The following BMP2K variants were observed in gnomAD, a reference collection of about 807,000 sequenced individuals.
The protein encoded by BMP2K is BMP2 inducible kinase.
BMP2K carries 74 observed loss-of-function variants against 116.0 expected under a neutral mutation model. That is an observed-to-expected ratio of 0.64 (90% CI 0.53 to 0.77). The LOEUF is 0.77. BMP2K is among the 30% of genes least tolerant of loss of function. The pLI is 0.00. For synonymous variants in BMP2K, 486 were observed against 502.5 expected (o/e 0.97, Z 0.44); for missense variants, 1,365 against 1,403.6 (o/e 0.97, Z 0.44).
intron 1 of BMP2K, among the ~76,000 whole-genome samples, chr4:78,789,967 C>A (rs1232926895): frequency 6.6e-6 from 1 of 152,176 alleles, no homozygotes; most frequent in African/African-American, 2.4e-5. Context: ...TCCCTATTTG[C>A]ATTTTACCTG....
rs1366709901 is a variant in BMP2K at position 78,911,641 on chromosome 4, A to G, written c.3094A>G (p.Ser1032Gly). ...AGTGGGCCGCCGAGACTCTCAAAGT[A>G]GCAATGAATTTTTAACCATCTCAGA... Reference protein sequence around the residue: ...KKVGRRDSQSSNEFLTISDSK... With the variant: ...KKVGRRDSQSGNEFLTISDSK... The change falls in exon 16 of 16, where the codon AGC becomes GGC. Residue 1032 changes from serine (S) to glycine (G), a missense_variant. Physicochemically the swap from Ser to Gly is moderately conservative, Grantham distance 56 (BLOSUM62 0). Coordinates refer to ENST00000502613, the MANE Select transcript of BMP2K (RefSeq NM_198892.2). 1.2e-6 allele frequency: 2 copies of G among 1,614,002 alleles called. No homozygotes were observed. Among genetic ancestry groups the G allele is most frequent in the Admixed American group, 1.7e-5 (1 of 60,024 alleles).
At chr4:78,882,838 G>T (rs1161981360) in intron 14 of BMP2K, among the ~76,000 whole-genome samples, 1 of 151,910 alleles carries the variant, frequency 6.6e-6, no homozygotes, top group African/African-American at 2.4e-5. Context: ...AATGATAATG[G>T]CTATAAGCAT....
intron 7 of BMP2K, among the ~76,000 whole-genome samples, chr4:78,856,163 A>G (rs1029137999): frequency 6.6e-6 from 1 of 152,120 alleles, no homozygotes; most frequent in Admixed American, 6.6e-5. Context: ...AAAAACTATA[A>G]AAATTGAAGG....
chr4:78,812,687 C>T (rs1729148268), intron 1 of BMP2K, among the ~76,000 whole-genome samples: 1 of 152,186 alleles, frequency 6.6e-6, no homozygotes, highest in African/African-American at 2.4e-5. Flanking sequence ...GGCCCTTTTC[C>T]ATAACCCTGT....
At chr4:78,814,886 G>C (rs1729260394) in intron 1 of BMP2K, among the ~76,000 whole-genome samples, 1 of 152,004 alleles carries the variant, frequency 6.6e-6, no homozygotes, top group South Asian at 2.1e-4. Context: ...TCTAGAGACT[G>C]GCACTTTAAT....
chr4:78,840,923 C>T (rs1003746772), intron 3 of BMP2K, among the ~76,000 whole-genome samples: 2 of 152,084 alleles, frequency 1.3e-5, no homozygotes, highest in African/African-American at 4.8e-5. Context: ...TGTGAATGTA[C>T]ACCAAGAAAG....
At chr4:78,825,326 G>A (rs1560516547) in intron 1 of BMP2K, among the ~76,000 whole-genome samples, 2 of 152,206 alleles carry the variant, frequency 1.3e-5, no homozygotes, top group African/African-American at 4.8e-5. Context: ...GATTCAGTAG[G>A]CCAAATGTCT....
In BMP2K at chr4:78,911,989, G is replaced by T; in HGVS notation, c.3442G>T (p.Glu1148Ter). The T allele has an allele frequency of 1.2e-6, 2 of 1,613,634 alleles. No individual in the cohort carries two copies. The highest frequency in any genetic ancestry group is 1.7e-6 in the Non-Finnish European group (2 of 1,179,698). Residue 1148 changes from glutamate to a stop codon, truncating the protein, a stop_gained, in exon 16 of 16, where the codon GAA becomes TAA. Transcript: ENST00000502613. LOFTEE classifies it high-confidence loss of function. ...PHQSQQSQPV[E>*]LDPFGAAPFP... Reference sequence around the variant, plus strand: ...TCAGTCCCAACAGTCCCAACCAGTCGAATTAGACCCATTTGGTGCTGCTCC... The same window carrying T: ...TCAGTCCCAACAGTCCCAACCAGTCTAATTAGACCCATTTGGTGCTGCTCC...
chr4:78,900,240 TATAAC>T (rs1312859292), intron 15 of BMP2K, among the ~76,000 whole-genome samples: 1 of 152,230 alleles, frequency 6.6e-6, no homozygotes, highest in Non-Finnish European at 1.5e-5. Context: ...CAGTGTATAA[TATAAC>T]ATTCAAAATA....
rs116452367 is a variant in BMP2K at position 78,889,372 on chromosome 4, C to G, written c.2062+2088C>G. Among the ~76,000 whole-genome samples the G allele has an allele frequency of 2.0e-3, 308 of 151,856 alleles. 2 individuals are homozygous for G. The highest frequency in any genetic ancestry group is 7.1e-3 in the African/African-American group (295 of 41,382). The stretch of plus-strand genomic sequence containing the variant: ...GGAGAGTATGGTCATAGGAGAAATG[C>G]GTCTCCTGAGAAAGAAGAAAAAGTG... On this transcript the variant is annotated intron_variant, in intron 15 of 15. Coordinates refer to ENST00000502613, the MANE Select transcript of BMP2K (RefSeq NM_198892.2).
chr4:78,911,784 G>A lies in BMP2K; in HGVS notation c.3237G>A (p.Leu1079=), dbSNP rs762355141. The part of the protein sequence containing the change: ...FGAKPFHSPD[L]SWHPPHQGLS... ...CCAAGCCCTTCCATTCTCCAGACCT[G>A]TCATGGCACCCTCCACATCAGGGCC... Residue 1079 remains leucine (L), a synonymous_variant, in exon 16 of 16, where the codon CTG becomes CTA. Transcript: ENST00000502613. The A allele has an allele frequency of 2.5e-6, 4 of 1,613,992 alleles. No homozygotes were observed. The highest frequency in any genetic ancestry group is 3.4e-6 in the Non-Finnish European group (4 of 1,179,888).
At chr4:78,901,350 T>A (rs1045279922) in intron 15 of BMP2K, among the ~76,000 whole-genome samples, 1 of 152,144 alleles carries the variant, frequency 6.6e-6, no homozygotes, top group African/African-American at 2.4e-5. Context: ...CAAGAGCCAT[T>A]GTGCCCAGCC....
At chr4:78,782,066 A>T (rs1025353063) in intron 1 of BMP2K, among the ~76,000 whole-genome samples, 6 of 152,078 alleles carry the variant, frequency 3.9e-5, no homozygotes, top group African/African-American at 1.2e-4. Flanking sequence ...ACCTGTAATT[A>T]TTTGCTAGGT....
At chr4:78,879,966 C>T (rs892918275) in intron 14 of BMP2K, 2 of 152,076 alleles carry the variant, frequency 1.3e-5, no homozygotes, top group African/African-American at 4.8e-5. Context: ...CTAAATAAAA[C>T]CGATCACATG....
chr4:78,912,143 C>T lies in BMP2K; in HGVS notation c.*110C>T. The stretch of plus-strand genomic sequence containing the variant: ...CTTTATAGCATTCATTCTTAAAGAT[C>T]AGTCAGAATAGGTGATTTCTAAATA... On this transcript the variant is annotated 3_prime_UTR_variant, in exon 16 of 16. Transcript: ENST00000502613. The T allele has an allele frequency of 1.0e-6, 1 of 965,804 alleles. No homozygotes were observed. Among genetic ancestry groups the T allele is most frequent in the Admixed American group, 2.3e-5 (1 of 42,634 alleles). The allele number at this position is 965,804 out of a possible 1,614,324, so 59.8% of individuals were successfully genotyped here. A position where few individuals can be genotyped will look rare whatever the true frequency, so the allele number is the denominator to read the frequency against.
At chr4:78,890,100 G>A (rs1451896191) in intron 15 of BMP2K, among the ~76,000 whole-genome samples, 1 of 151,690 alleles carries the variant, frequency 6.6e-6, no homozygotes, top group African/African-American at 2.4e-5. Context: ...ATCTTACAAA[G>A]TGATTTGTAA....
chr4:78,911,346 C>A lies in BMP2K; in HGVS notation c.2799C>A (p.Gly933=). The A allele has an allele frequency of 6.2e-7, 1 of 1,613,702 alleles. No individual in the cohort carries two copies. Among genetic ancestry groups the A allele is most frequent in the Non-Finnish European group, 8.5e-7 (1 of 1,179,780 alleles). Residue 933 remains glycine (G), a synonymous_variant, in exon 16 of 16, where the codon GGC becomes GGA. Coordinates refer to ENST00000502613, the MANE Select transcript of BMP2K (RefSeq NM_198892.2). ...ATCCCAAAAGTGTAGATGTATTTGG[C>A]TCCACTCCATTTCAGCCCTTCCTCA... ...PGYPKSVDVF[G]STPFQPFLTS... is the part of the protein sequence containing the mutation.
intron 1 of BMP2K, among the ~76,000 whole-genome samples, chr4:78,799,509 G>A (rs890681813): frequency 1.3e-5 from 2 of 152,306 alleles, no homozygotes; most frequent in East Asian, 1.9e-4. Context: ...AAGTGAAAGT[G>A]TATAAGAATT....
chr4:78,842,290 C>T (rs1730796439), intron 3 of BMP2K, 95 bp from the exon 4 acceptor site: 2 of 1,108,250 alleles, frequency 1.8e-6, no homozygotes, highest in Admixed American at 2.7e-5. Context: ...AAGCCAATTT[C>T]CCATTACTTG....
Sources: allele counts gnomAD v4.1 joint callset (sites outside exome capture counted in the v4.1 genomes callset), GRCh38; gene constraint gnomAD v4.1.1; transcripts MANE v1.5; gene names NCBI Gene and HGNC (gene_info 2026-07-23, HGNC 2026-07-21).